The following WFDC3 variants were observed in gnomAD, a reference collection of about 807,000 sequenced individuals.
WFDC3 encodes WAP four-disulfide core domain protein 3.
Under a neutral mutation model 25.8 loss-of-function variants are expected in WFDC3, and 15 were observed. The observed-to-expected ratio is 0.58, with a 90% CI of 0.39 to 0.89. The LOEUF (loss-of-function observed/expected upper bound fraction) is 0.89. WFDC3 is among the 40% of genes least tolerant of loss of function. The pLI, the probability that WFDC3 is intolerant of heterozygous loss-of-function variation, is 0.00. For missense variants in WFDC3, 264 were observed against 289.8 expected (o/e 0.91, Z 0.65); for synonymous variants, 103 against 107.1 (o/e 0.96, Z 0.24).
At chr20:45,789,538 C>T (rs1052615060) in intron 2 of WFDC3, among the ~76,000 whole-genome samples, 2 of 151,914 alleles carry the variant, frequency 1.3e-5, no homozygotes, top group East Asian at 3.9e-4. Flanking sequence ...AACCACCTTC[C>T]CCTCCTCATA....
At chr20:45,785,508 GA>G (rs919388095) in intron 4 of WFDC3, among the ~76,000 whole-genome samples, 11 of 138,016 alleles carry the variant, frequency 8.0e-5, no homozygotes, top group East Asian at 2.1e-4. Context: ...AACAGGGTAA[GA>G]AAAAAAAAAG....
chr20:45,778,243 G>A (rs1980285443), intron 4 of WFDC3, among the ~76,000 whole-genome samples: 1 of 152,180 alleles, frequency 6.6e-6, no homozygotes, highest in Admixed American at 6.5e-5. Flanking sequence ...CATCCTGGAC[G>A]TTGTGGCTCC....
Position 45,789,858 on chromosome 20 carries a change from G to A in WFDC3, c.82+36C>T, listed in dbSNP as rs747413411. On this transcript the variant is annotated intron_variant, in intron 2 of 6. Transcript: ENST00000243938. ...TTCTCCTCTCCTCTAGTCACTTTCT[G>A]TTACTGTTGGCCAGGGATCCCAAAT... is the stretch of plus-strand genomic sequence containing the variant. 5 of 1,587,552 alleles carry A rather than the reference G, an allele frequency of 3.1e-6. No homozygotes were observed. The East Asian group carries it at 6.7e-5, about 21-fold the overall frequency.
chr20:45,791,730 GC>G, intron 1 of WFDC3, 101 bp downstream of exon 1: 1 of 336,848 alleles, frequency 3.0e-6, no homozygotes, highest in Non-Finnish European at 5.3e-6. Context: ...CCAGGCCTTG[GC>G]CCAGCGGGAA....
chr20:45,785,065 A>C (rs1980607321), intron 4 of WFDC3, among the ~76,000 whole-genome samples: 1 of 152,258 alleles, frequency 6.6e-6, no homozygotes, highest in Admixed American at 6.5e-5. Flanking sequence ...GAAATATTCA[A>C]AACAGCAGAG....
Position 45,788,651 on chromosome 20 carries a change from A to G in WFDC3, c.211+280T>C, listed in dbSNP as rs1471414295. 9.6e-6 allele frequency: 3 copies of G among 311,004 alleles called. No individual in the cohort carries two copies. In the East Asian group the frequency reaches 2.0e-4, roughly 21 times the overall value. The allele number at this position is 311,004 out of a possible 1,614,324, so 19.3% of individuals were successfully genotyped here. A position where few individuals can be genotyped will look rare whatever the true frequency, so the allele number is the denominator to read the frequency against. The stretch of plus-strand genomic sequence containing the variant: ...TACTCTCTTAATCATTATCTTACAC[A>G]GCCTTCCCTTTACAACTCTTCCCTC... On this transcript the variant is annotated intron_variant, in intron 3 of 6. Transcript: ENST00000243938.
Position 45,774,407 on chromosome 20 carries a change from G to C in WFDC3, c.*21C>G, listed in dbSNP as rs369394647. 3 of 1,614,116 alleles carry C rather than the reference G, an allele frequency of 1.9e-6. No homozygotes were observed. Among genetic ancestry groups the C allele is most frequent in the African/African-American group, 1.3e-5 (1 of 75,026 alleles). On this transcript the variant is annotated 3_prime_UTR_variant, in exon 7 of 7. Transcript: ENST00000243938. ...AAAAGCTTCCAGAATTACCAAAGAA[G>C]CTCCAGACAAATCAGCACAGCTAGG...
chr20:45,774,242 G>A lies in WFDC3; in HGVS notation c.*186C>T. 1.4e-6 allele frequency: 1 copy of A among 725,910 alleles called. No homozygotes were observed. Among genetic ancestry groups the A allele is most frequent in the South Asian group, 1.8e-5 (1 of 56,584 alleles). The allele number at this position is 725,910 out of a possible 1,614,324, so 45.0% of individuals were successfully genotyped here. ...CACCAGCCTTTATCGGGAAAGAGAA[G>A]CACCACACACCCACTACCCAATCCA... is the stretch of plus-strand genomic sequence containing the variant. On this transcript the variant is annotated 3_prime_UTR_variant, in exon 7 of 7. Coordinates refer to ENST00000243938, the MANE Select transcript of WFDC3 (RefSeq NM_080614.2).
chr20:45,777,992 G>C (rs1369818410), intron 4 of WFDC3, among the ~76,000 whole-genome samples: 1 of 152,138 alleles, frequency 6.6e-6, no homozygotes, highest in Non-Finnish European at 1.5e-5. Context: ...TTTACCTCCT[G>C]GGATTCAGGC....
At chr20:45,791,006 A>T (rs1980945988) in intron 1 of WFDC3, 4 of 462,646 alleles carry the variant, frequency 8.6e-6, no homozygotes, top group South Asian at 6.2e-5. Flanking sequence ...TGTGATACCT[A>T]ATGGTGTCCA....
At chr20:45,788,153 A>C in intron 3 of WFDC3, 171 bp from the exon 4 acceptor site, 4 of 567,244 alleles carry the variant, frequency 7.1e-6, no homozygotes, top group African/African-American at 2.0e-5. Flanking sequence ...AAAATACAAA[A>C]TTAGTCGGGG....
At chr20:45,776,613 G>T (rs3848710) in intron 5 of WFDC3, among the ~76,000 whole-genome samples, 1 of 48,680 alleles carries the variant, frequency 2.1e-5, no homozygotes, top group Non-Finnish European at 3.9e-5. Context: ...AAAAAAAAAA[G>T]AAAAAAAAGA....
At chr20:45,787,022 A>AGGCAGAG (rs1980697361) in intron 4 of WFDC3, among the ~76,000 whole-genome samples, 1 of 139,472 alleles carries the variant, frequency 7.2e-6, no homozygotes, top group African/African-American at 2.6e-5. Flanking sequence ...TGAACCTGGG[A>AGGCAGAG]GGCAGAGGTT....
At chr20:45,785,147 A>G (rs942191989) in intron 4 of WFDC3, among the ~76,000 whole-genome samples, 6 of 152,220 alleles carry the variant, frequency 3.9e-5, no homozygotes, top group Admixed American at 3.3e-4. Flanking sequence ...TGAAATATGC[A>G]AAATACACTT....
chr20:45,780,065 T>A (rs1401148909), intron 4 of WFDC3, among the ~76,000 whole-genome samples: 2 of 18,510 alleles, frequency 1.1e-4, no homozygotes, highest in East Asian at 1.3e-3. Context: ...CTTTATACCT[T>A]TTTTTTTTTT....
chr20:45,784,616 C>T (rs1980589845), intron 4 of WFDC3, among the ~76,000 whole-genome samples: 1 of 152,212 alleles, frequency 6.6e-6, no homozygotes, highest in Admixed American at 6.5e-5. Flanking sequence ...TGGCACATGC[C>T]TATAATCCCA....
intron 5 of WFDC3, among the ~76,000 whole-genome samples, chr20:45,776,873 A>G (rs1980210739): frequency 6.6e-6 from 1 of 152,076 alleles, no homozygotes; most frequent in Non-Finnish European, 1.5e-5. Flanking sequence ...TTCCAGCCCA[A>G]GTAGTTCCTA....
Position 45,781,959 on chromosome 20 carries a change from G to A in WFDC3, c.359-4750C>T, listed in dbSNP as rs542077262. 1.6e-4 allele frequency among the ~76,000 whole-genome samples: 24 copies of A among 152,294 alleles called. No individual in the cohort carries two copies. The South Asian group carries it at 5.0e-3, about 32-fold the overall frequency. On this transcript the variant is annotated intron_variant, in intron 4 of 6. Coordinates refer to ENST00000243938, the MANE Select transcript of WFDC3 (RefSeq NM_080614.2). The stretch of plus-strand genomic sequence containing the variant: ...TCTTTTCTGTACAACCTGCAGTGAG[G>A]TTTTAGAAAAGGGTCAGCCAGACAC...
At chr20:45,782,564 G>A (rs1184468084) in intron 4 of WFDC3, among the ~76,000 whole-genome samples, 1 of 152,014 alleles carries the variant, frequency 6.6e-6, no homozygotes, top group African/African-American at 2.4e-5. Context: ...TTTTAGTAGA[G>A]ATGGGGTTTC....
Sources: gnomAD v4.1 joint callset for allele counts (sites outside exome capture counted in the v4.1 genomes callset) on GRCh38, gnomAD v4.1.1 for gene constraint, MANE v1.5 for transcripts, NCBI Gene and HGNC (gene_info 2026-07-23, HGNC 2026-07-21) for gene names.